Variants in TMEFF2 observed in about 807,000 individuals in gnomAD.
TMEFF2 encodes transmembrane protein with EGF like and two follistatin like domains 2.
Under a neutral mutation model 53.8 loss-of-function variants are expected in TMEFF2, and 28 were observed. The ratio of observed to expected loss-of-function variants is 0.52; its 90% confidence interval spans 0.39 to 0.71. TMEFF2 has a LOEUF of 0.71. Ranked by LOEUF, TMEFF2 falls within the 30% of genes least tolerant of loss-of-function variation. The probability of loss-of-function intolerance (pLI) is 0.00; values close to 1 mark genes in which losing one functional copy is unlikely to be tolerated. For missense variants in TMEFF2, 353 were observed against 455.2 expected (o/e 0.78, Z 2.04); for synonymous variants, 162 against 166.3 (o/e 0.97, Z 0.20).
chr2:192,143,657 C>G (rs1690187579), intron 4 of TMEFF2, among the ~76,000 whole-genome samples: 1 of 152,034 alleles, frequency 6.6e-6, no homozygotes, highest in Non-Finnish European at 1.5e-5. Context: ...AGTTGAACTT[C>G]AAGAAAAATT....
intron 4 of TMEFF2, among the ~76,000 whole-genome samples, chr2:192,121,823 C>T (rs758122312): frequency 4.6e-5 from 7 of 152,012 alleles, no homozygotes; most frequent in Non-Finnish European, 7.4e-5. Context: ...CTGTAGGAAA[C>T]AACAAGCATA....
chr2:192,028,246 G>A lies in TMEFF2; in HGVS notation c.537-29038C>T, dbSNP rs562585400. ...GAGGCTTCCCCAGCCATGTGGGACT[G>A]TAAGTCCATTAAACCTCTTTCTTTT... On this transcript the variant is annotated intron_variant, in intron 5 of 9. Coordinates refer to ENST00000272771, the MANE Select transcript of TMEFF2 (RefSeq NM_016192.4). Among the ~76,000 whole-genome samples, 9 of 152,268 alleles carry A rather than the reference G, an allele frequency of 5.9e-5. No individual in the cohort carries two copies. In the South Asian group the frequency reaches 1.7e-3, roughly 28 times the overall value.
intron 1 of TMEFF2, among the ~76,000 whole-genome samples, chr2:192,192,468 A>G (rs1691486823): frequency 6.6e-6 from 1 of 152,180 alleles, no homozygotes; most frequent in Non-Finnish European, 1.5e-5. Context: ...GTATCCAGAC[A>G]AAGAGGAAAC....
Position 192,075,308 on chromosome 2 carries a change from T to C in TMEFF2, c.440-17533A>G, listed in dbSNP as rs1021546218. 1.6e-4 allele frequency among the ~76,000 whole-genome samples: 11 copies of C among 67,926 alleles called. 1 individual carries two copies. The highest frequency in any genetic ancestry group is 2.2e-4 in the Non-Finnish European group (7 of 31,964). The allele number at this position is 67,926 out of a possible 152,430, so 44.6% of individuals were successfully genotyped here. A position where few individuals can be genotyped will look rare whatever the true frequency, so the allele number is the denominator to read the frequency against. On this transcript the variant is annotated intron_variant, in intron 4 of 9. Transcript: ENST00000272771. ...TATTATATATATATATATATATATA[T>C]ATATATATATATATATATATATATA...
At chr2:192,029,470 T>C (rs552228985) in intron 5 of TMEFF2, 1 of 152,210 alleles carries the variant, frequency 6.6e-6, no homozygotes, top group South Asian at 2.1e-4. Context: ...AAGGAATACA[T>C]TGAGATTCAG....
intron 9 of TMEFF2, among the ~76,000 whole-genome samples, chr2:191,951,538 CTGCTTGT>C (rs1691882689): frequency 6.6e-6 from 1 of 152,104 alleles, no homozygotes; most frequent in African/African-American, 2.4e-5. Context: ...GGGAGGACTT[CTGCTTGT>C]TGCAATTTTG....
At chr2:192,074,485 G>C (rs1368445314) in intron 4 of TMEFF2, among the ~76,000 whole-genome samples, 1 of 151,698 alleles carries the variant, frequency 6.6e-6, no homozygotes, top group Non-Finnish European at 1.5e-5. Context: ...GTTAATATTT[G>C]TCTAAAAGCA....
intron 7 of TMEFF2, among the ~76,000 whole-genome samples, chr2:191,962,926 A>G (rs1283651444): frequency 6.6e-6 from 1 of 152,208 alleles, no homozygotes; most frequent in African/African-American, 2.4e-5. Flanking sequence ...CACTCAGTCC[A>G]GAGCCTATTA....
At chr2:192,030,013 G>A (rs1001824701) in intron 5 of TMEFF2, among the ~76,000 whole-genome samples, 3 of 152,106 alleles carry the variant, frequency 2.0e-5, no homozygotes, top group African/African-American at 7.2e-5. Context: ...GAATAAAAAA[G>A]GCAAATAATA....
At chr2:192,119,016 T>C (rs1244778946) in intron 4 of TMEFF2, among the ~76,000 whole-genome samples, 1 of 152,198 alleles carries the variant, frequency 6.6e-6, no homozygotes, top group Non-Finnish European at 1.5e-5. Flanking sequence ...CTTTAATAAA[T>C]ACATATTTAT....
At chr2:191,993,878 A>T (rs1686163696) in intron 7 of TMEFF2, among the ~76,000 whole-genome samples, 1 of 152,056 alleles carries the variant, frequency 6.6e-6, no homozygotes, top group Admixed American at 6.6e-5. Context: ...TTTTTCACTG[A>T]TGCCTTGTAG....
intron 4 of TMEFF2, among the ~76,000 whole-genome samples, chr2:192,158,466 T>A (rs568590524): frequency 6.6e-6 from 1 of 152,130 alleles, no homozygotes; most frequent in Non-Finnish European, 1.5e-5. Flanking sequence ...CTAATAAATT[T>A]TAAAATAACA....
intron 4 of TMEFF2, chr2:192,178,142 G>T (rs1360739447): frequency 1.3e-5 from 2 of 150,954 alleles, no homozygotes. Flanking sequence ...CACAATATTT[G>T]CAAAATTAGG....
chr2:192,153,930 A>G (rs1292986163), intron 4 of TMEFF2, among the ~76,000 whole-genome samples: 2 of 151,952 alleles, frequency 1.3e-5, no homozygotes, highest in Non-Finnish European at 2.9e-5. Context: ...AGAAAATTCT[A>G]TCAAAACTAG....
At chr2:191,988,793 G>A (rs569608595) in intron 7 of TMEFF2, among the ~76,000 whole-genome samples, 1 of 3,530 alleles carries the variant, frequency 2.8e-4, no homozygotes, top group South Asian at 0.17. Flanking sequence ...TTAAGGCAGA[G>A]GTTTTTTTTT....
At chr2:192,007,047 G>A (rs1686515550) in intron 5 of TMEFF2, among the ~76,000 whole-genome samples, 2 of 152,216 alleles carry the variant, frequency 1.3e-5, no homozygotes, top group South Asian at 2.1e-4. Flanking sequence ...TTCTGTGGGA[G>A]AAGGTTTGCA....
At chr2:191,969,414 G>A (rs1016420483) in intron 7 of TMEFF2, among the ~76,000 whole-genome samples, 2 of 152,014 alleles carry the variant, frequency 1.3e-5, no homozygotes, top group East Asian at 3.9e-4. Context: ...GTGCAATATG[G>A]CAGAGAAGTC....
rs200251020 is a variant in TMEFF2, at chr2:191,964,398, C to CTTTCTTTCTTTCTTTCTT, written c.746-8021_746-8020insAAGAAAGAAAGAAAGAAA. ...TCTTTCTTTCTTTCTTTCTTTCTTT[C>CTTTCTTTCTTTCTTTCTT]TCTTTCTTTCTTTCTTTCTTTCTTT... On this transcript the variant is annotated intron_variant, in intron 7 of 9. Transcript: ENST00000272771. Among the ~76,000 whole-genome samples, 154 of 51,706 alleles carry CTTTCTTTCTTTCTTTCTT rather than the reference C, an allele frequency of 3.0e-3. 9 individuals are homozygous for CTTTCTTTCTTTCTTTCTT. Among genetic ancestry groups the CTTTCTTTCTTTCTTTCTT allele is most frequent in the South Asian group, 7.1e-3 (8 of 1,120 alleles). The allele number at this position is 51,706 out of a possible 152,430, so 33.9% of individuals were successfully genotyped here.
intron 7 of TMEFF2, among the ~76,000 whole-genome samples, chr2:191,984,680 T>TGAAC (rs142632241): frequency 1.3e-5 from 2 of 152,010 alleles, no homozygotes; most frequent in Non-Finnish European, 2.9e-5. Context: ...TGAAACATTC[T>TGAAC]AAACATGTTG....
Sources: gnomAD v4.1 joint callset for allele counts (sites outside exome capture counted in the v4.1 genomes callset) on GRCh38, gnomAD v4.1.1 for gene constraint, MANE v1.5 for transcripts, NCBI Gene and HGNC (gene_info 2026-07-23, HGNC 2026-07-21) for gene names.